Variants in ADAM9 observed in about 807,000 individuals in gnomAD.
The protein encoded by ADAM9 is disintegrin and metalloproteinase domain-containing protein 9.
A neutral mutation model predicts 108.1 loss-of-function variants in ADAM9; 54 were observed. That is an observed-to-expected ratio of 0.50 (90% CI 0.40 to 0.63). The LOEUF (loss-of-function observed/expected upper bound fraction) is 0.63, where lower values mean the gene tolerates loss of function less well. Among genes scored for constraint, ADAM9 ranks in the 20% least tolerant of loss-of-function variants. The pLI, the probability that ADAM9 is intolerant of heterozygous loss-of-function variation, is 0.00. For synonymous variants in ADAM9, 316 were observed against 336.0 expected, an observed-to-expected ratio of 0.94 and a Z score of 0.65; for missense variants, 830 against 997.7, an observed-to-expected ratio of 0.83 and a Z score of 2.26.
chr8:39,045,247 CATATATGTGT>C (rs1402919436), intron 12 of ADAM9, among the ~76,000 whole-genome samples: 1 of 129,870 alleles, frequency 7.7e-6, no homozygotes, highest in South Asian at 2.2e-4. Flanking sequence ...TGTATACATA[CATATATGTGT>C]ATATATGTGT....
At chr8:39,085,253 C>T (rs556575629) in intron 18 of ADAM9, among the ~76,000 whole-genome samples, 1 of 152,086 alleles carries the variant, frequency 6.6e-6, no homozygotes, top group Non-Finnish European at 1.5e-5. Flanking sequence ...TGTAACACTT[C>T]AGTATATTTC....
intron 11 of ADAM9, among the ~76,000 whole-genome samples, chr8:39,032,386 C>T (rs1837124289): frequency 6.6e-6 from 1 of 152,258 alleles, no homozygotes; most frequent in Admixed American, 6.5e-5. Context: ...TGGCAGACGC[C>T]CCTCCCCCTG....
At chr8:39,078,306 C>A (rs1395010224) in intron 16 of ADAM9, among the ~76,000 whole-genome samples, 4 of 147,670 alleles carry the variant, frequency 2.7e-5, no homozygotes, top group Non-Finnish European at 5.9e-5. Flanking sequence ...ATTTCCCTTT[C>A]AATAAGGTGG....
chr8:39,090,182 C>T lies in ADAM9; in HGVS notation c.2204C>T (p.Thr735Ile). 6.2e-7 allele frequency: 1 copy of T among 1,612,664 alleles called. No homozygotes were observed. Among genetic ancestry groups the T allele is most frequent in the East Asian group, 2.2e-5 (1 of 44,814 alleles). Reference protein sequence around the residue: ...RSYFRKKRSQTYESDGKNQAN... With the variant: ...RSYFRKKRSQIYESDGKNQAN... ...TACTTCAGAAAGAAGAGATCACAAACATATGAGTACTTAGATTTTTTTCTT... is the reference window on the plus strand; with the variant it reads ...TACTTCAGAAAGAAGAGATCACAAATATATGAGTACTTAGATTTTTTTCTT... The change falls in exon 19 of 22, where the codon ACA (threonine) becomes ATA (isoleucine). Residue 735 changes from threonine to isoleucine, a missense_variant. Physicochemically the swap from Thr to Ile is moderately conservative, Grantham distance 89 (BLOSUM62 -1). Coordinates refer to ENST00000487273, the MANE Select transcript of ADAM9 (RefSeq NM_003816.3).
intron 14 of ADAM9, among the ~76,000 whole-genome samples, chr8:39,066,875 A>G (rs1838495971): frequency 6.6e-6 from 1 of 152,150 alleles, no homozygotes; most frequent in South Asian, 2.1e-4. Flanking sequence ...TAGGGTTTGT[A>G]TGATTTTGGG....
chr8:39,011,695 T>C lies in ADAM9; in HGVS notation c.233T>C (p.Ile78Thr). 6.2e-7 allele frequency: 1 copy of C among 1,611,742 alleles called. No homozygotes were observed. The highest frequency in any genetic ancestry group is 8.5e-7 in the Non-Finnish European group (1 of 1,177,864). The change falls in exon 3 of 22, where the codon ATT (isoleucine) becomes ACT (threonine). Residue 78 changes from isoleucine to threonine, a missense_variant. Ile to Thr is a moderately conservative substitution (Grantham distance 89). This residue lies in a region of ADAM9 where 211 missense variants were observed against 222.2 expected (regional missense o/e 0.95). Coordinates refer to ENST00000487273, the MANE Select transcript of ADAM9 (RefSeq NM_003816.3). ...YVIQAEGKEH[I>T]IHLERNKDLL... ...ATTCAGGCTGAAGGAAAAGAGCATA[T>C]TATTCACTTGGAAAGGAACAAGTAA...
chr8:39,011,707 A>G lies in ADAM9; in HGVS notation c.245A>G (p.Glu82Gly). The change falls in exon 3 of 22, where the codon GAA becomes GGA. Residue 82 changes from glutamate to glycine, a missense_variant. Glu to Gly is a moderately conservative substitution (Grantham distance 98). Around this residue, in one of 3 missense-constraint regions of ADAM9, gnomAD observed 211 missense variants for 222.2 expected, o/e 0.95. Coordinates refer to ENST00000487273, the MANE Select transcript of ADAM9 (RefSeq NM_003816.3). The part of the protein sequence containing the change: ...AEGKEHIIHL[E>G]RNKDLLPEDF... ...GGAAAAGAGCATATTATTCACTTGGAAAGGAACAAGTAAGACATTTAATTT... is the reference window on the plus strand; with the variant it reads ...GGAAAAGAGCATATTATTCACTTGGGAAGGAACAAGTAAGACATTTAATTT... The G allele has an allele frequency of 6.2e-7, 1 of 1,610,172 alleles. No homozygotes were observed. Among genetic ancestry groups the G allele is most frequent in the South Asian group, 1.1e-5 (1 of 91,008 alleles).
intron 15 of ADAM9, among the ~76,000 whole-genome samples, chr8:39,073,697 C>T (rs1371204207): frequency 6.6e-6 from 1 of 152,066 alleles, no homozygotes; most frequent in Non-Finnish European, 1.5e-5. Context: ...TTAATGCAGA[C>T]TTGGAAAGAA....
chr8:39,026,958 T>TA (rs2129434469), intron 11 of ADAM9, 148 bp downstream of exon 11: 28 of 971,772 alleles, frequency 2.9e-5, no homozygotes, highest in Non-Finnish European at 3.9e-5. Context: ...CAATGAGAAG[T>TA]CTTTTTTTTT....
intron 12 of ADAM9, among the ~76,000 whole-genome samples, chr8:39,042,951 T>C (rs1187330226): frequency 6.6e-6 from 1 of 152,198 alleles, no homozygotes; most frequent in Non-Finnish European, 1.5e-5. Flanking sequence ...ACCACTATTC[T>C]GTTCACTGCT....
Position 39,017,323 on chromosome 8 carries a change from C to A in ADAM9, c.515C>A (p.Pro172His), listed in dbSNP as rs1216436997. 1.2e-6 allele frequency: 2 copies of A among 1,614,082 alleles called. No homozygotes were observed. The highest frequency in any genetic ancestry group is 3.3e-5 in the Admixed American group (2 of 60,010). Residue 172 changes from proline (P) to histidine (H), a missense_variant, in exon 6 of 22, where the codon CCT becomes CAT. Physicochemically the swap from Pro to His is moderately conservative, Grantham distance 77. This residue lies in a region of ADAM9 where 211 missense variants were observed against 222.2 expected (regional missense o/e 0.95). Coordinates refer to ENST00000487273, the MANE Select transcript of ADAM9 (RefSeq NM_003816.3). ...IYRMDDVYKE[P>H]LKCGVSNKDI... ...CGAATGGATGATGTCTACAAAGAGC[C>A]TCTGAAATGTGGAGTTTCCAACAAG... is the stretch of plus-strand genomic sequence containing the variant.
intron 11 of ADAM9, among the ~76,000 whole-genome samples, chr8:39,037,519 G>T (rs1837324349): frequency 7.2e-6 from 1 of 137,998 alleles, no homozygotes. Context: ...ATAGCTCACT[G>T]CAGCCTTAAA....
At chr8:39,093,985 T>A (rs1235345848) in intron 20 of ADAM9, among the ~76,000 whole-genome samples, 2 of 152,184 alleles carry the variant, frequency 1.3e-5, no homozygotes, top group African/African-American at 2.4e-5. Flanking sequence ...TTGGCCAGGC[T>A]GGTCTTGAAC....
intron 1 of ADAM9, 58 bp downstream of exon 1, chr8:38,997,218 G>T (rs1403970168): frequency 1.3e-6 from 2 of 1,535,420 alleles, no homozygotes; most frequent in Non-Finnish European, 1.8e-6. Flanking sequence ...CGGGGCGCTC[G>T]GAGTGAACCT....
chr8:39,009,973 C>G (rs1368844417), intron 2 of ADAM9, among the ~76,000 whole-genome samples: 1 of 150,140 alleles, frequency 6.7e-6, no homozygotes, highest in Non-Finnish European at 1.5e-5. Context: ...AACCCCCCCC[C>G]CCAAACCAAA....
chr8:39,092,523 C>T (rs541580219), intron 20 of ADAM9, among the ~76,000 whole-genome samples: 2 of 152,130 alleles, frequency 1.3e-5, no homozygotes, highest in Admixed American at 1.3e-4. Context: ...TACTCTTCTT[C>T]ATCATTGCCA....
At chr8:39,075,210 A>G (rs992160790) in intron 15 of ADAM9, among the ~76,000 whole-genome samples, 1 of 152,126 alleles carries the variant, frequency 6.6e-6, no homozygotes, top group Non-Finnish European at 1.5e-5. Flanking sequence ...CCTGGCCCTA[A>G]GCCCAAAATC....
In ADAM9 at chr8:39,017,228, G is replaced by A. The variant is rs1339529349; in HGVS notation, c.420G>A (p.Leu140=). The part of the protein sequence containing the change: ...LSDCFGLRGL[L]HLENASYGIE... Reference sequence around the variant, plus strand: ...GTAATGCAACATTCAGAGGATTGCTGCATTTAGAGAATGCGAGTTATGGGA... The same window carrying A: ...GTAATGCAACATTCAGAGGATTGCTACATTTAGAGAATGCGAGTTATGGGA... Residue 140 remains leucine, a synonymous_variant, in exon 6 of 22, where the codon CTG becomes CTA. Coordinates refer to ENST00000487273, the MANE Select transcript of ADAM9 (RefSeq NM_003816.3). The A allele has an allele frequency of 6.2e-7, 1 of 1,614,108 alleles. No individual in the cohort carries two copies. Among genetic ancestry groups the A allele is most frequent in the Non-Finnish European group, 8.5e-7 (1 of 1,179,996 alleles).
chr8:39,068,777 A>G (rs2129441009), intron 14 of ADAM9, among the ~76,000 whole-genome samples: 1 of 147,946 alleles, frequency 6.8e-6, no homozygotes, highest in Admixed American at 6.8e-5. Flanking sequence ...CTGGGACCTC[A>G]GTATGAGGTA....
Sources: gnomAD v4.1 joint callset for allele counts (sites outside exome capture counted in the v4.1 genomes callset) on GRCh38, gnomAD v4.1.1 for gene constraint, gnomAD v4.1.1 regional missense constraint, MANE v1.5 for transcripts, NCBI Gene and HGNC (gene_info 2026-07-23, HGNC 2026-07-21) for gene names.